CWC27: variants seen among roughly 807,000 people sequenced by gnomAD.
CWC27 encodes spliceosome-associated protein CWC27 homolog.
CWC27 carries 47 observed loss-of-function variants against 63.6 expected under a neutral mutation model. The observed-to-expected ratio is 0.74, with a 90% confidence interval of 0.58 to 0.94. The LOEUF is 0.94. CWC27 is among the 40% of genes least tolerant of loss of function. The probability of loss-of-function intolerance (pLI) is 0.00; values close to 1 mark genes in which losing one functional copy is unlikely to be tolerated. For synonymous variants in CWC27, 175 were observed against 179.8 expected (o/e 0.97, Z 0.22); for missense variants, 495 against 554.3 (o/e 0.89, Z 1.07).
At chr5:64,800,414 C>A in intron 8 of CWC27, 87 bp downstream of exon 8, 1 of 887,642 alleles carries the variant, frequency 1.1e-6, no homozygotes, top group South Asian at 2.0e-5. Context: ...ACAGTCAGTC[C>A]TCATAAGTCA....
intron 10 of CWC27, among the ~76,000 whole-genome samples, chr5:64,834,307 G>A (rs1202471854): frequency 1.3e-5 from 2 of 151,548 alleles, no homozygotes; most frequent in African/African-American, 4.8e-5. Context: ...CCTCTGTAAA[G>A]CTCTGATATT....
At chr5:64,873,875 G>A (rs745998895) in intron 10 of CWC27, among the ~76,000 whole-genome samples, 12 of 151,928 alleles carry the variant, frequency 7.9e-5, no homozygotes, top group Non-Finnish European at 1.0e-4. Flanking sequence ...AGAGATAGGG[G>A]TCTAGTTTTA....
intron 13 of CWC27, among the ~76,000 whole-genome samples, chr5:64,989,086 C>G (rs1292779741): frequency 6.6e-6 from 1 of 152,142 alleles, no homozygotes; most frequent in Non-Finnish European, 1.5e-5. Flanking sequence ...ACTGTTCTAC[C>G]ATGCACTTTT....
intron 11 of CWC27, among the ~76,000 whole-genome samples, chr5:64,929,965 C>A (rs1309241980): frequency 6.7e-6 from 1 of 148,688 alleles, no homozygotes; most frequent in Non-Finnish European, 1.5e-5. Context: ...AAAAGGGAAA[C>A]AACCCAGACA....
chr5:64,962,796 T>C (rs1748941064), intron 11 of CWC27, among the ~76,000 whole-genome samples: 1 of 152,170 alleles, frequency 6.6e-6, no homozygotes, highest in Non-Finnish European at 1.5e-5. Context: ...AGGATTCCTA[T>C]GGAGTGTGAT....
chr5:64,840,389 AAAAAAATATATATATATATATATATAT>A lies in CWC27; in HGVS notation c.938+36005_938+36031del, dbSNP rs1410029984. On this transcript the variant is annotated intron_variant, in intron 10 of 13. Coordinates refer to ENST00000381070, the MANE Select transcript of CWC27 (RefSeq NM_005869.4). ...AAAAAAAAAAAAAAAAAAAAAAAAA[AAAAAAATATATATATATATATATATAT>A]ATATATATATATATACTTATTAAGG... Among the ~76,000 whole-genome samples the A allele has an allele frequency of 4.2e-3, 189 of 44,976 alleles. 10 individuals carry two copies. The highest frequency in any genetic ancestry group is 6.3e-3 in the South Asian group (9 of 1,432). 29.5% of individuals were successfully genotyped at this position (44,976 alleles called of 152,430 possible).
intron 6 of CWC27, among the ~76,000 whole-genome samples, chr5:64,787,168 G>A (rs1348675102): frequency 6.6e-6 from 1 of 152,130 alleles, no homozygotes; most frequent in African/African-American, 2.4e-5. Context: ...TGGGGATTGT[G>A]GGAATTACTC....
At chr5:64,932,669 C>T (rs1748262299) in intron 11 of CWC27, among the ~76,000 whole-genome samples, 1 of 152,150 alleles carries the variant, frequency 6.6e-6, no homozygotes, top group Non-Finnish European at 1.5e-5. Flanking sequence ...GGCTTTATAA[C>T]CTTTCATTGT....
intron 10 of CWC27, among the ~76,000 whole-genome samples, chr5:64,832,694 C>T (rs1745555624): frequency 6.6e-6 from 1 of 151,666 alleles, no homozygotes; most frequent in South Asian, 2.1e-4. Context: ...TTAAATGAAA[C>T]TGGCATTTTT....
intron 10 of CWC27, among the ~76,000 whole-genome samples, chr5:64,827,254 T>C (rs1316818810): frequency 1.3e-5 from 2 of 152,174 alleles, no homozygotes; most frequent in Non-Finnish European, 2.9e-5. Flanking sequence ...TTGAGAATAT[T>C]ATTCACATTT....
chr5:64,940,842 C>CTTTTTTTTTTTTTTTTTTT (rs70983655), intron 11 of CWC27, among the ~76,000 whole-genome samples: 15 of 64,984 alleles, frequency 2.3e-4, no homozygotes, highest in Admixed American at 4.6e-4. Context: ...TTCTTTCTTT[C>CTTTTTTTTTTTTTTTTTTT]TTTTTTTTTT....
At chr5:64,972,687 A>G (rs771877327) in intron 12 of CWC27, 106 of 454,620 alleles carry the variant, frequency 2.3e-4, no homozygotes, top group Admixed American at 7.6e-4. Flanking sequence ...TGAAATCACA[A>G]AGTCTTCTAA....
intron 10 of CWC27, among the ~76,000 whole-genome samples, chr5:64,877,941 G>A (rs1011389120): frequency 9.2e-5 from 14 of 151,826 alleles, no homozygotes; most frequent in African/African-American, 3.1e-4. Flanking sequence ...TGCTTCCTTA[G>A]TGATGTGAAT....
intron 9 of CWC27, among the ~76,000 whole-genome samples, chr5:64,803,702 G>A (rs1744562203): frequency 6.6e-6 from 1 of 152,186 alleles, no homozygotes; most frequent in African/African-American, 2.4e-5. Flanking sequence ...GTGGGCTGGA[G>A]TTGTAGGAGA....
At chr5:64,810,178 C>T (rs1161438640) in intron 10 of CWC27, among the ~76,000 whole-genome samples, 5 of 152,128 alleles carry the variant, frequency 3.3e-5, no homozygotes, top group African/African-American at 4.8e-5. Context: ...GTGTTCTTGA[C>T]ACCTTTGTTG....
intron 10 of CWC27, among the ~76,000 whole-genome samples, chr5:64,847,512 T>C (rs565346133): frequency 4.7e-4 from 72 of 152,330 alleles, no homozygotes; most frequent in African/African-American, 1.7e-3. Context: ...AACACTGGAC[T>C]GTAACAATAC....
intron 11 of CWC27, among the ~76,000 whole-genome samples, chr5:64,907,461 C>G (rs1401947697): frequency 5.9e-5 from 9 of 152,026 alleles, no homozygotes; most frequent in Non-Finnish European, 1.0e-4. Flanking sequence ...TGATTTGGCT[C>G]TCTGTCTGTT....
intron 13 of CWC27, among the ~76,000 whole-genome samples, chr5:64,988,564 G>A (rs1254915399): frequency 2.0e-5 from 3 of 151,182 alleles, no homozygotes; most frequent in Admixed American, 6.6e-5. Flanking sequence ...CCATGTATAC[G>A]CCACCCGCTG....
intron 10 of CWC27, among the ~76,000 whole-genome samples, chr5:64,823,293 G>C (rs747010163): frequency 1.3e-5 from 2 of 152,136 alleles, no homozygotes; most frequent in African/African-American, 2.4e-5. Context: ...GCAGCTCACT[G>C]TCTGATACTC....
Sources: allele counts gnomAD v4.1 joint callset (sites outside exome capture counted in the v4.1 genomes callset), GRCh38; gene constraint gnomAD v4.1.1; transcripts MANE v1.5; gene names NCBI Gene and HGNC (gene_info 2026-07-23, HGNC 2026-07-21).